The following FGF14 variants were observed in gnomAD, a reference collection of about 807,000 sequenced individuals.
FGF14 encodes the protein fibroblast growth factor homologous factor 4.
FGF14 carries 5 observed loss-of-function variants against 25.5 expected under a neutral mutation model. The ratio of observed to expected loss-of-function variants is 0.20; its 90% CI spans 0.10 to 0.41. The LOEUF (loss-of-function observed/expected upper bound fraction) is 0.41, where lower values mean the gene tolerates loss of function less well. Ranked by LOEUF, FGF14 falls within the 10% of genes least tolerant of loss-of-function variation. The pLI is 1.00. For synonymous variants in FGF14, 138 were observed against 118.3 expected, an observed-to-expected ratio of 1.17 and a Z score of -1.08; for missense variants, 222 against 320.1, an observed-to-expected ratio of 0.69 and a Z score of 2.34.
At chr13:101,980,900 G>A (rs569995676) in intron 1 of FGF14, among the ~76,000 whole-genome samples, 4 of 152,122 alleles carry the variant, frequency 2.6e-5, no homozygotes, top group Non-Finnish European at 4.4e-5. Context: ...AGGTAGAGTC[G>A]TTAAGAGGTG....
At chr13:102,050,971 C>T (rs543891461) in intron 1 of FGF14, among the ~76,000 whole-genome samples, 5 of 152,290 alleles carry the variant, frequency 3.3e-5, no homozygotes, top group Admixed American at 3.3e-4. Flanking sequence ...ACACCAGAGA[C>T]AGGTATGGCT....
chr13:102,221,648 AT>A lies in FGF14; in HGVS notation c.208+179822del, dbSNP rs1006812738. 7.2e-5 allele frequency among the ~76,000 whole-genome samples: 11 copies of A among 152,122 alleles called. No homozygotes were observed. The South Asian group carries it at 1.0e-3, about 14-fold the overall frequency. On this transcript the variant is annotated intron_variant, in intron 1 of 4. Transcript: ENST00000376131. ...AACACACACACACACACACACACAGATTTTAAGTGAAAATGTGATCACAAGC... is the reference window on the plus strand; with the variant it reads ...AACACACACACACACACACACACAGATTTAAGTGAAAATGTGATCACAAGC...
At chr13:101,783,591 A>T (rs1423211976) in intron 3 of FGF14, among the ~76,000 whole-genome samples, 1 of 151,976 alleles carries the variant, frequency 6.6e-6, no homozygotes, top group Non-Finnish European at 1.5e-5. Flanking sequence ...TTGAATGTAT[A>T]GTTTACAAAA....
intron 3 of FGF14, among the ~76,000 whole-genome samples, chr13:101,841,995 A>C (rs1016560983): frequency 1.2e-4 from 18 of 152,016 alleles, no homozygotes; most frequent in African/African-American, 3.6e-4. Context: ...GCATATAATT[A>C]AATGTATTCA....
intron 1 of FGF14, among the ~76,000 whole-genome samples, chr13:102,272,762 T>G (rs2053313581): frequency 6.6e-6 from 1 of 151,720 alleles, no homozygotes; most frequent in South Asian, 2.1e-4. Context: ...GAGTGATATA[T>G]CTATATATAT....
At chr13:101,983,374 T>C (rs9557776) in intron 1 of FGF14, among the ~76,000 whole-genome samples, 46,180 of 152,122 alleles carry the variant, frequency 0.3, 7,708 homozygotes, top group East Asian at 0.7. Flanking sequence ...ATTAAAATAC[T>C]TCCAACACTG....
intron 3 of FGF14, among the ~76,000 whole-genome samples, chr13:101,766,675 C>A (rs1043827236): frequency 3.3e-5 from 5 of 152,090 alleles, no homozygotes; most frequent in Non-Finnish European, 7.4e-5. Flanking sequence ...GAAATGTGGT[C>A]TTTGCAGATG....
chr13:101,912,023 G>A (rs1422508569), intron 1 of FGF14, among the ~76,000 whole-genome samples: 1 of 145,660 alleles, frequency 6.9e-6, no homozygotes. Context: ...TTTTTTTGAT[G>A]ACTATTTGCT....
chr13:101,794,493 C>A (rs8000523), intron 3 of FGF14, among the ~76,000 whole-genome samples: 2 of 152,100 alleles, frequency 1.3e-5, no homozygotes, highest in Non-Finnish European at 2.9e-5. Context: ...AGGGCCAAAT[C>A]GCAAGCATTT....
chr13:102,236,138 G>A (rs939208885), intron 1 of FGF14, among the ~76,000 whole-genome samples: 17 of 152,138 alleles, frequency 1.1e-4, no homozygotes, highest in Admixed American at 5.2e-4. Flanking sequence ...AGGTGAGTGC[G>A]TCCCTCCTCT....
At position 101,719,504 on chromosome 13, in the gene FGF14, G is replaced by C. The variant is rs1169146327; in HGVS notation, c.*3327C>G. ...TCCATTTTGCTCTTTACATAGGGTGGAGAATTGTCATGTCTTCTCTAATTT... is the reference window on the plus strand; with the variant it reads ...TCCATTTTGCTCTTTACATAGGGTGCAGAATTGTCATGTCTTCTCTAATTT... On this transcript the variant is annotated 3_prime_UTR_variant, in exon 5 of 5. Coordinates refer to ENST00000376143, the MANE Select transcript of FGF14 (RefSeq NM_004115.4). The C allele has an allele frequency of 6.6e-6, 1 of 152,014 alleles. No individual in the cohort carries two copies. Among genetic ancestry groups the C allele is most frequent in the Non-Finnish European group, 1.5e-5 (1 of 67,986 alleles). The allele number at this position is 152,014 out of a possible 1,614,324, so 9.4% of individuals were successfully genotyped here.
chr13:102,117,334 G>C (rs1211602275), intron 1 of FGF14, among the ~76,000 whole-genome samples: 1 of 151,876 alleles, frequency 6.6e-6, no homozygotes, highest in Non-Finnish European at 1.5e-5. Flanking sequence ...ACTTGCTCCT[G>C]TCCTGACTTG....
chr13:102,344,150 A>G (rs975956779), intron 1 of FGF14, among the ~76,000 whole-genome samples: 4 of 152,242 alleles, frequency 2.6e-5, no homozygotes, highest in African/African-American at 9.6e-5. Context: ...CCATGAATAA[A>G]TTATCCTGCG....
intron 1 of FGF14, among the ~76,000 whole-genome samples, chr13:102,010,819 T>C (rs371562702): frequency 8.9e-4 from 135 of 152,248 alleles, no homozygotes; most frequent in African/African-American, 3.0e-3. Context: ...TAGGAAACAA[T>C]GGGGCAGTAT....
At chr13:102,303,303 C>T (rs1024416094) in intron 1 of FGF14, among the ~76,000 whole-genome samples, 3 of 152,200 alleles carry the variant, frequency 2.0e-5, no homozygotes, top group Admixed American at 2.0e-4. Flanking sequence ...CACTTGCTCT[C>T]CTCCTTTTCT....
intron 3 of FGF14, among the ~76,000 whole-genome samples, chr13:101,731,754 C>G (rs1198813999): frequency 6.6e-6 from 1 of 152,162 alleles, no homozygotes; most frequent in Non-Finnish European, 1.5e-5. Context: ...AGAATCTAAT[C>G]CAGTGGTCCA....
chr13:102,247,168 G>A (rs1384992716), intron 1 of FGF14, among the ~76,000 whole-genome samples: 1 of 151,972 alleles, frequency 6.6e-6, no homozygotes, highest in Admixed American at 6.6e-5. Flanking sequence ...TTTGGACATA[G>A]GAACTAGCAA....
intron 1 of FGF14, among the ~76,000 whole-genome samples, chr13:101,907,999 T>C (rs954136308): frequency 3.9e-5 from 6 of 152,184 alleles, no homozygotes; most frequent in Admixed American, 1.3e-4. Flanking sequence ...GTGGAGTATG[T>C]GAACATTTAT....
At chr13:102,361,021 G>A (rs761690989) in intron 1 of FGF14, among the ~76,000 whole-genome samples, 2 of 151,834 alleles carry the variant, frequency 1.3e-5, no homozygotes, top group Non-Finnish European at 2.9e-5. Context: ...TGTCTAAATT[G>A]GAGAACTTTA....
Sources: allele counts gnomAD v4.1 joint callset (sites outside exome capture counted in the v4.1 genomes callset), GRCh38; gene constraint gnomAD v4.1.1; transcripts MANE v1.5; gene names NCBI Gene and HGNC (gene_info 2026-07-23, HGNC 2026-07-21).